The following XPO4 variants were observed in gnomAD, a reference collection of about 807,000 sequenced individuals.
XPO4 encodes the protein exportin 4.
Under a neutral mutation model 143.0 loss-of-function variants are expected in XPO4, and 39 were observed. That is an observed-to-expected ratio of 0.27 (90% confidence interval 0.21 to 0.36). The LOEUF (loss-of-function observed/expected upper bound fraction) is 0.36. Ranked by LOEUF, XPO4 falls within the 10% of genes least tolerant of loss-of-function variation. The probability of loss-of-function intolerance (pLI) is 1.00; values close to 1 mark genes in which losing one functional copy is unlikely to be tolerated. For missense variants in XPO4, 907 were observed against 1,348.0 expected (o/e 0.67, Z 5.12); for synonymous variants, 439 against 474.0 (o/e 0.93, Z 0.96).
At chr13:20,890,749 A>C (rs1005885963) in intron 1 of XPO4, among the ~76,000 whole-genome samples, 4 of 144,672 alleles carry the variant, frequency 2.8e-5, no homozygotes, top group African/African-American at 1.0e-4. Context: ...GCGTGAGCCG[A>C]GATTGCGCAA....
intron 6 of XPO4, among the ~76,000 whole-genome samples, chr13:20,834,691 G>C (rs1342581569): frequency 6.6e-6 from 1 of 152,018 alleles, no homozygotes; most frequent in Non-Finnish European, 1.5e-5. Flanking sequence ...AAGCCCAGTG[G>C]CTCATGCCTG....
At chr13:20,827,631 A>G (rs146435711) in intron 6 of XPO4, among the ~76,000 whole-genome samples, 1 of 152,336 alleles carries the variant, frequency 6.6e-6, no homozygotes, top group East Asian at 1.9e-4. Flanking sequence ...ATTTTTCCAG[A>G]AGAAATATAT....
chr13:20,795,876 A>G (rs1446476527), intron 18 of XPO4, among the ~76,000 whole-genome samples, 200 bp downstream of exon 18: 1 of 152,220 alleles, frequency 6.6e-6, no homozygotes, highest in East Asian at 1.9e-4. Context: ...AATGAGAGAT[A>G]CTATTTCTAT....
chr13:20,853,664 C>A (rs538784810), intron 4 of XPO4, among the ~76,000 whole-genome samples: 3 of 152,156 alleles, frequency 2.0e-5, no homozygotes, highest in Admixed American at 2.0e-4. Context: ...TTTCACAATA[C>A]TAAGATTAAG....
intron 22 of XPO4, among the ~76,000 whole-genome samples, chr13:20,785,387 G>A (rs2141471162): frequency 6.6e-6 from 1 of 152,244 alleles, no homozygotes; most frequent in South Asian, 2.1e-4. Context: ...AAATGGTAGA[G>A]GTGGCAAGGC....
chr13:20,785,364 C>T (rs1054428868), intron 22 of XPO4, among the ~76,000 whole-genome samples: 5 of 152,160 alleles, frequency 3.3e-5, no homozygotes, highest in African/African-American at 1.2e-4. Context: ...CCTATCATTT[C>T]CCTACTCATG....
chr13:20,822,044 G>A lies in XPO4; in HGVS notation c.998+88C>T, dbSNP rs563410722. On this transcript the variant is annotated intron_variant, in intron 8 of 22. Coordinates refer to ENST00000255305, the MANE Select transcript of XPO4 (RefSeq NM_022459.5). ...TGACTTTACTTCAAAATATAAGGGG[G>A]AAAAAATAACTAGTTTCTTTTTTTC... The A allele has an allele frequency of 6.8e-6, 10 of 1,465,066 alleles. No individual in the cohort carries two copies. In the Admixed American group the frequency reaches 9.4e-5, roughly 14 times the overall value. 90.8% of individuals were successfully genotyped at this position (1,465,066 alleles called of 1,614,324 possible).
At chr13:20,818,379 A>G (rs1395542678) in intron 9 of XPO4, among the ~76,000 whole-genome samples, 1 of 152,154 alleles carries the variant, frequency 6.6e-6, no homozygotes, top group Non-Finnish European at 1.5e-5. Flanking sequence ...TGGGTTTCAA[A>G]AACACACACT....
At chr13:20,900,957 C>T (rs1339598350) in intron 1 of XPO4, among the ~76,000 whole-genome samples, 2 of 152,098 alleles carry the variant, frequency 1.3e-5, no homozygotes. Context: ...CAATACTACT[C>T]TCCTCTGAAA....
intron 13 of XPO4, among the ~76,000 whole-genome samples, chr13:20,806,279 A>G (rs573279965): frequency 1.3e-5 from 2 of 152,288 alleles, no homozygotes; most frequent in Non-Finnish European, 2.9e-5. Context: ...AAATTCCCCA[A>G]CATTTCCTTG....
intron 1 of XPO4, among the ~76,000 whole-genome samples, chr13:20,884,334 A>G (rs1187478018): frequency 1.3e-5 from 2 of 152,112 alleles, no homozygotes; most frequent in African/African-American, 4.8e-5. Flanking sequence ...ACAAGATCAC[A>G]CTACTGCACT....
At chr13:20,854,541 A>G (rs2060123066) in intron 4 of XPO4, among the ~76,000 whole-genome samples, 1 of 152,238 alleles carries the variant, frequency 6.6e-6, no homozygotes. Context: ...AAATGATTAA[A>G]TAAATTGTAA....
intron 9 of XPO4, among the ~76,000 whole-genome samples, 159 bp from the exon 10 acceptor site, chr13:20,810,126 C>CAGTTT (rs10628982): frequency 0.84 from 127,131 of 151,692 alleles, 53,468 homozygotes; most frequent in East Asian, 1. Flanking sequence ...TTTCTAAGTT[C>CAGTTT]AAGTAAGTCT....
At chr13:20,821,093 T>C (rs1056164917) in intron 9 of XPO4, among the ~76,000 whole-genome samples, 15 of 152,154 alleles carry the variant, frequency 9.9e-5, no homozygotes, top group Admixed American at 9.2e-4. Flanking sequence ...ATATAAAATA[T>C]GGAAAATACA....
intron 3 of XPO4, chr13:20,857,990 T>A: frequency 1.0e-6 from 1 of 984,914 alleles, no homozygotes; most frequent in Non-Finnish European, 1.2e-6. Context: ...TAGCCTATAG[T>A]ATTCTACCTA....
At chr13:20,795,660 G>T (rs2059348989) in intron 18 of XPO4, among the ~76,000 whole-genome samples, 1 of 152,284 alleles carries the variant, frequency 6.6e-6, no homozygotes, top group South Asian at 2.1e-4. Context: ...GAAGTGATTA[G>T]TCAGGAAGTG....
At chr13:20,870,729 C>CA (rs35888695) in intron 1 of XPO4, among the ~76,000 whole-genome samples, 59,916 of 137,340 alleles carry the variant, frequency 0.44, 12,718 homozygotes, top group Middle Eastern at 0.51. Flanking sequence ...GACTCTGCCT[C>CA]AAAAAAAAAA....
chr13:20,856,332 C>A, intron 3 of XPO4: 1 of 985,324 alleles, frequency 1.0e-6, no homozygotes, highest in Non-Finnish European at 1.2e-6. Context: ...CACACACAAA[C>A]ATTCAAAATG....
intron 6 of XPO4, among the ~76,000 whole-genome samples, chr13:20,842,039 T>C (rs2059980514): frequency 6.6e-6 from 1 of 152,120 alleles, no homozygotes; most frequent in African/African-American, 2.4e-5. Context: ...TATTAAGAGC[T>C]CAATAAATAG....
Sources: gnomAD v4.1 joint callset for allele counts (sites outside exome capture counted in the v4.1 genomes callset) on GRCh38, gnomAD v4.1.1 for gene constraint, MANE v1.5 for transcripts, NCBI Gene and HGNC (gene_info 2026-07-23, HGNC 2026-07-21) for gene names.